The following CNTN5 variants were observed in gnomAD, a reference collection of about 807,000 sequenced individuals.
CNTN5 encodes contactin-5.
CNTN5 carries 77 observed loss-of-function variants against 129.1 expected under a neutral mutation model. The ratio of observed to expected loss-of-function variants is 0.60; its 90% CI spans 0.50 to 0.72. CNTN5 has a LOEUF of 0.72. Among genes scored for constraint, CNTN5 ranks in the 30% least tolerant of loss-of-function variants. The pLI, the probability that CNTN5 is intolerant of heterozygous loss-of-function variation, is 0.00. For missense variants in CNTN5, 1,478 were observed against 1,328.8 expected (o/e 1.11, Z -1.75); for synonymous variants, 509 against 465.6 (o/e 1.09, Z -1.20).
chr11:99,722,217 A>T (rs1943196147), intron 3 of CNTN5, among the ~76,000 whole-genome samples: 1 of 152,224 alleles, frequency 6.6e-6, no homozygotes, highest in Non-Finnish European at 1.5e-5. Flanking sequence ...AGTAGCAAAG[A>T]TGTGGAATCA....
At chr11:99,406,107 T>A (rs1043521593) in intron 2 of CNTN5, among the ~76,000 whole-genome samples, 1 of 152,012 alleles carries the variant, frequency 6.6e-6, no homozygotes, top group African/African-American at 2.4e-5. Context: ...TTGATACTTC[T>A]AGATGTTTAC....
intron 2 of CNTN5, among the ~76,000 whole-genome samples, chr11:99,358,497 G>T (rs1242258838): frequency 6.6e-6 from 1 of 150,714 alleles, no homozygotes; most frequent in Non-Finnish European, 1.5e-5. Context: ...GGAGGCGGAG[G>T]TTGCAGCCAG....
At chr11:99,907,561 T>C (rs1326573529) in intron 6 of CNTN5, among the ~76,000 whole-genome samples, 1 of 151,804 alleles carries the variant, frequency 6.6e-6, no homozygotes, top group African/African-American at 2.4e-5. Flanking sequence ...GCTGTATACA[T>C]ATATTATTAA....
chr11:99,794,530 A>G (rs1478376525), intron 3 of CNTN5, among the ~76,000 whole-genome samples: 2 of 152,110 alleles, frequency 1.3e-5, no homozygotes, highest in Non-Finnish European at 2.9e-5. Flanking sequence ...ACTGGTCTGT[A>G]TACTTAAGTG....
intron 3 of CNTN5, among the ~76,000 whole-genome samples, chr11:99,631,898 G>T (rs1951368279): frequency 6.6e-6 from 1 of 152,172 alleles, no homozygotes; most frequent in Admixed American, 6.5e-5. Context: ...TTGAGAGACA[G>T]ACCACATTCG....
At chr11:99,438,495 T>C (rs1943687360) in intron 2 of CNTN5, among the ~76,000 whole-genome samples, 1 of 152,164 alleles carries the variant, frequency 6.6e-6, no homozygotes, top group South Asian at 2.1e-4. Context: ...CTGCCTTCTT[T>C]ATTTTCCTTC....
At chr11:99,817,953 T>C (rs918071661) in intron 3 of CNTN5, among the ~76,000 whole-genome samples, 16 of 152,260 alleles carry the variant, frequency 1.1e-4, no homozygotes, top group African/African-American at 3.1e-4. Flanking sequence ...GGGCTACACA[T>C]ATCATGCTCA....
intron 21 of CNTN5, among the ~76,000 whole-genome samples, chr11:100,318,583 T>A (rs1951615700): frequency 6.6e-6 from 1 of 152,070 alleles, no homozygotes; most frequent in Admixed American, 6.5e-5. Flanking sequence ...CAAAAATTAT[T>A]TTATTTTACA....
At chr11:99,938,975 T>A (rs756287114) in intron 7 of CNTN5, among the ~76,000 whole-genome samples, 4 of 152,130 alleles carry the variant, frequency 2.6e-5, no homozygotes, top group Non-Finnish European at 4.4e-5. Context: ...TATGAGGTCT[T>A]ACAATTTATT....
intron 21 of CNTN5, among the ~76,000 whole-genome samples, chr11:100,321,889 A>T (rs1042282270): frequency 5.9e-5 from 9 of 152,164 alleles, no homozygotes; most frequent in Non-Finnish European, 1.3e-4. Context: ...ACATCCCCAC[A>T]CTTGATAATA....
At chr11:99,036,533 A>G (rs935808405) in intron 1 of CNTN5, among the ~76,000 whole-genome samples, 4 of 152,176 alleles carry the variant, frequency 2.6e-5, no homozygotes, top group African/African-American at 9.6e-5. Context: ...TTCTCATATG[A>G]AAACAAATAA....
intron 3 of CNTN5, among the ~76,000 whole-genome samples, chr11:99,791,194 G>T (rs190162034): frequency 5.3e-5 from 8 of 151,786 alleles, no homozygotes; most frequent in Admixed American, 4.6e-4. Flanking sequence ...TGATTTTGGG[G>T]GTCTTAGTCA....
intron 1 of CNTN5, among the ~76,000 whole-genome samples, chr11:99,246,676 G>A (rs1417238908): frequency 1.3e-5 from 2 of 152,092 alleles, no homozygotes; most frequent in Middle Eastern, 3.2e-3. Context: ...TATGAAATGA[G>A]GCTTAGCATA....
chr11:99,308,611 T>A (rs1864972043), intron 1 of CNTN5, among the ~76,000 whole-genome samples: 1 of 152,166 alleles, frequency 6.6e-6, no homozygotes, highest in Admixed American at 6.5e-5. Flanking sequence ...CACAAATTAA[T>A]AATTCTCCCA....
intron 13 of CNTN5, among the ~76,000 whole-genome samples, chr11:100,104,510 G>C (rs1353268727): frequency 1.3e-5 from 2 of 152,082 alleles, no homozygotes; most frequent in Non-Finnish European, 2.9e-5. Flanking sequence ...TAGAAACCAA[G>C]TGTACTTCTA....
chr11:99,958,573 T>C (rs1023464503), intron 8 of CNTN5, among the ~76,000 whole-genome samples: 2 of 152,178 alleles, frequency 1.3e-5, no homozygotes, highest in African/African-American at 4.8e-5. Context: ...GATTTAAAAG[T>C]CATCATTGTG....
At chr11:99,380,856 C>T (rs532685586) in intron 2 of CNTN5, among the ~76,000 whole-genome samples, 3 of 151,564 alleles carry the variant, frequency 2.0e-5, no homozygotes, top group African/African-American at 7.3e-5. Context: ...GAGGACCAGA[C>T]CCATGTATAG....
intron 3 of CNTN5, among the ~76,000 whole-genome samples, chr11:99,556,557 A>ATATATC (rs1948673532): frequency 9.5e-6 from 1 of 105,790 alleles, no homozygotes; most frequent in Non-Finnish European, 1.7e-5. Flanking sequence ...GCTTGGAAAT[A>ATATATC]TATATATATA....
At chr11:99,822,823 A>G (rs149830486) in intron 4 of CNTN5, among the ~76,000 whole-genome samples, 2 of 152,328 alleles carry the variant, frequency 1.3e-5, no homozygotes, top group East Asian at 3.9e-4. Context: ...TTGCCTCTGG[A>G]GAATAGATTA....
Sources: allele counts gnomAD v4.1 joint callset (sites outside exome capture counted in the v4.1 genomes callset), GRCh38; gene constraint gnomAD v4.1.1; transcripts MANE v1.5; gene names NCBI Gene and HGNC (gene_info 2026-07-23, HGNC 2026-07-21).